The following TANC1 variants were observed in gnomAD, a reference collection of about 807,000 sequenced individuals.
TANC1 encodes tetratricopeptide repeat, ankyrin repeat and coiled-coil containing 1, also known as protein TANC1.
Under a neutral mutation model 149.7 loss-of-function variants are expected in TANC1, and 77 were observed. The observed-to-expected ratio is 0.51, with a 90% CI of 0.43 to 0.62. The LOEUF is 0.62. Ranked by LOEUF, TANC1 falls within the 20% of genes least tolerant of loss-of-function variation. TANC1 has a pLI of 0.00. For missense variants in TANC1, 1,985 were observed against 2,321.8 expected (o/e 0.85, Z 2.98); for synonymous variants, 854 against 925.0 (o/e 0.92, Z 1.39).
chr2:159,142,881 T>C (rs981585950), intron 5 of TANC1, among the ~76,000 whole-genome samples: 2 of 151,440 alleles, frequency 1.3e-5, no homozygotes, highest in African/African-American at 2.4e-5. Flanking sequence ...CTGGCCAACA[T>C]GGTGAAACCT....
Position 159,043,088 on chromosome 2 carries a change from A to C in TANC1, c.-15-22808A>C, listed in dbSNP as rs150430007. Among the ~76,000 whole-genome samples the C allele has an allele frequency of 2.4e-3, 367 of 152,222 alleles. 1 individual carries two copies. Among genetic ancestry groups the C allele is most frequent in the Non-Finnish European group, 4.4e-3 (300 of 68,008 alleles). The stretch of plus-strand genomic sequence containing the variant: ...TTGGATAGTGAGCATCTGAGGAAGG[A>C]ATGGATTCTCTTGGTTTTGCCAATC... On this transcript the variant is annotated intron_variant, in intron 2 of 26. Coordinates refer to ENST00000263635, the MANE Select transcript of TANC1 (RefSeq NM_033394.3).
At chr2:159,036,666 A>G (rs980459833) in intron 2 of TANC1, among the ~76,000 whole-genome samples, 10 of 152,198 alleles carry the variant, frequency 6.6e-5, no homozygotes, top group Non-Finnish European at 1.2e-4. Context: ...AGCTTCATCC[A>G]TGTTCCTACA....
intron 2 of TANC1, among the ~76,000 whole-genome samples, chr2:159,044,060 T>A (rs1413118147): frequency 6.6e-6 from 1 of 152,198 alleles, no homozygotes. Context: ...TCTAGTTGTG[T>A]GGCTTTAGGA....
chr2:159,106,174 G>T (rs920895626), intron 4 of TANC1, among the ~76,000 whole-genome samples: 1 of 152,070 alleles, frequency 6.6e-6, no homozygotes, highest in African/African-American at 2.4e-5. Context: ...ACAGTTCGAT[G>T]TTCTTTTTGT....
chr2:159,013,321 C>T (rs16843552), intron 2 of TANC1, among the ~76,000 whole-genome samples: 6,917 of 152,194 alleles, frequency 0.045, 493 homozygotes, highest in African/African-American at 0.15. Context: ...GGGTGAGACA[C>T]AGAGGATCAC....
chr2:159,074,218 A>G (rs977383736), intron 3 of TANC1, among the ~76,000 whole-genome samples: 1 of 152,188 alleles, frequency 6.6e-6, no homozygotes, highest in Non-Finnish European at 1.5e-5. Flanking sequence ...GCAGTGGGTA[A>G]AGGTAAAACG....
At chr2:159,004,552 G>T (rs927987399) in intron 2 of TANC1, among the ~76,000 whole-genome samples, 5 of 152,026 alleles carry the variant, frequency 3.3e-5, no homozygotes, top group Non-Finnish European at 7.4e-5. Context: ...CAGTTTGAGG[G>T]TGTTTTGGTT....
intron 5 of TANC1, 21 bp from the exon 6 acceptor site, chr2:159,149,121 T>G (rs1172991127): frequency 6.4e-7 from 1 of 1,559,652 alleles, no homozygotes; most frequent in African/African-American, 1.4e-5. Flanking sequence ...GCATCTTCAT[T>G]GTTTTCTTTC....
At chr2:159,092,852 C>T (rs910050919) in intron 3 of TANC1, among the ~76,000 whole-genome samples, 9 of 152,130 alleles carry the variant, frequency 5.9e-5, no homozygotes, top group Non-Finnish European at 1.0e-4. Context: ...AAAAATGTGT[C>T]GTTTTGGGGA....
At chr2:159,169,422 G>A (rs1161142716) in intron 9 of TANC1, 50 bp downstream of exon 9, 6 of 1,591,768 alleles carry the variant, frequency 3.8e-6, no homozygotes, top group Non-Finnish European at 5.2e-6. Flanking sequence ...AACTCAGTCA[G>A]TAACTTTGAA....
At chr2:159,095,992 T>G (rs1231924311) in intron 3 of TANC1, among the ~76,000 whole-genome samples, 1 of 151,856 alleles carries the variant, frequency 6.6e-6, no homozygotes, top group African/African-American at 2.4e-5. Flanking sequence ...TCTTTGATTG[T>G]GTGTGTGTAT....
chr2:159,124,995 A>C (rs1394019465), intron 4 of TANC1, among the ~76,000 whole-genome samples: 1 of 149,852 alleles, frequency 6.7e-6, no homozygotes, highest in South Asian at 2.2e-4. Flanking sequence ...CTCCCACCTC[A>C]GCCTCACAAA....
intron 8 of TANC1, among the ~76,000 whole-genome samples, chr2:159,165,216 G>A (rs2054467033): frequency 6.6e-6 from 1 of 152,232 alleles, no homozygotes; most frequent in South Asian, 2.1e-4. Context: ...CTCCTGCCAT[G>A]TGAAGTGACA....
At chr2:159,217,413 G>A (rs1021680951) in intron 19 of TANC1, 84 bp from the exon 20 acceptor site, 4 of 1,564,788 alleles carry the variant, frequency 2.6e-6, no homozygotes, top group Non-Finnish European at 2.6e-6. Context: ...ATCTCCCACT[G>A]GGGGAGAGAA....
At chr2:159,038,758 T>C (rs547097176) in intron 2 of TANC1, among the ~76,000 whole-genome samples, 1 of 152,304 alleles carries the variant, frequency 6.6e-6, no homozygotes, top group East Asian at 1.9e-4. Context: ...TTTGCCAGTA[T>C]TTCATTGAGG....
At chr2:159,116,445 CAACAACAACAAAAA>C (rs1429564400) in intron 4 of TANC1, among the ~76,000 whole-genome samples, 1 of 136,958 alleles carries the variant, frequency 7.3e-6, no homozygotes, top group African/African-American at 3.0e-5. Context: ...ACAACAACAA[CAACAACAACAAAAA>C]AAAAAAAACA....
At chr2:159,058,428 C>G (rs1303789490) in intron 2 of TANC1, among the ~76,000 whole-genome samples, 5 of 150,508 alleles carry the variant, frequency 3.3e-5, no homozygotes, top group African/African-American at 1.2e-4. Flanking sequence ...ATTTTGATTT[C>G]CCTTCCATAA....
intron 19 of TANC1, among the ~76,000 whole-genome samples, chr2:159,214,243 G>T (rs1473140983): frequency 6.6e-6 from 1 of 152,082 alleles, no homozygotes; most frequent in African/African-American, 2.4e-5. Flanking sequence ...AATGAAATTT[G>T]GACTAAGCAT....
intron 2 of TANC1, among the ~76,000 whole-genome samples, chr2:159,050,592 A>AC (rs1386689241): frequency 6.6e-6 from 1 of 152,216 alleles, no homozygotes; most frequent in East Asian, 1.9e-4. Context: ...CTAAGGTGTG[A>AC]CCTAGAGCAG....
Sources: gnomAD v4.1 joint callset for allele counts (sites outside exome capture counted in the v4.1 genomes callset) on GRCh38, gnomAD v4.1.1 for gene constraint, MANE v1.5 for transcripts, NCBI Gene and HGNC (gene_info 2026-07-23, HGNC 2026-07-21) for gene names.